Variants in PLCH2 observed in about 807,000 individuals in gnomAD.
PLCH2 encodes the protein 1-phosphatidylinositol 4,5-bisphosphate phosphodiesterase eta-2.
In PLCH2, 98 loss-of-function variants were observed where a neutral mutation model predicts 134.7. The observed-to-expected ratio is 0.73, with a 90% CI of 0.62 to 0.86. The LOEUF (loss-of-function observed/expected upper bound fraction) is 0.86, where lower values mean the gene tolerates loss of function less well. PLCH2 is among the 40% of genes least tolerant of loss of function. The probability of loss-of-function intolerance (pLI) is 0.00; values close to 1 mark genes in which losing one functional copy is unlikely to be tolerated. For synonymous variants in PLCH2, 974 were observed against 827.5 expected, an observed-to-expected ratio of 1.18 and a Z score of -3.04; for missense variants, 1,994 against 1,986.6, an observed-to-expected ratio of 1.00 and a Z score of -0.07.
upstream of PLCH2, among the ~76,000 whole-genome samples, chr1:2,472,666 C>T (rs1375204506): frequency 6.6e-6 from 1 of 152,164 alleles, no homozygotes; most frequent in Non-Finnish European, 1.5e-5. Context: ...GTGGGGGCTT[C>T]AGAGGGAGAC....
At chr1:2,434,202 GGGGCCGGCGGGGGCCGCGCCT>G (rs1442581498) in intron 2 of PLCH2, among the ~76,000 whole-genome samples, 1 of 152,264 alleles carries the variant, frequency 6.6e-6, no homozygotes, top group Non-Finnish European at 1.5e-5. Context: ...GGGTGTGCCA[GGGGCCGGCGGGGGCCGCGCCT>G]GGGCAGGGGG....
At chr1:2,487,109 C>T in intron 6 of PLCH2, 64 bp from the exon 7 acceptor site, 2 of 1,501,290 alleles carry the variant, frequency 1.3e-6, no homozygotes, top group Non-Finnish European at 9.0e-7. Context: ...GGCATGGGGG[C>T]AGGTGGTCAT....
chr1:2,483,808 TG>T (rs1208429697), intron 4 of PLCH2, among the ~76,000 whole-genome samples: 2 of 116,760 alleles, frequency 1.7e-5, no homozygotes, highest in Admixed American at 8.3e-5. Flanking sequence ...GACCCCCGTG[TG>T]GGGGTGGCGC....
intron 2 of PLCH2, among the ~76,000 whole-genome samples, chr1:2,440,936 G>T (rs1459758519): frequency 1.3e-5 from 2 of 152,194 alleles, no homozygotes; most frequent in Admixed American, 1.3e-4. Context: ...CTCATCTGAG[G>T]CCACTGAGCT....
At chr1:2,489,984 G>A in intron 10 of PLCH2, 117 bp downstream of exon 10, 1 of 786,300 alleles carries the variant, frequency 1.3e-6, no homozygotes, top group South Asian at 1.6e-5. Context: ...GAGGGACATT[G>A]GGGCAGATTC....
At chr1:2,502,029 G>C (rs896626450) in intron 20 of PLCH2, 83 bp from the exon 21 acceptor site, 1 of 1,260,826 alleles carries the variant, frequency 7.9e-7, no homozygotes. Context: ...TCTGTGGCAC[G>C]GTCTGGAGAG....
rs770274665 is a variant in PLCH2 at position 2,494,943 on chromosome 1, C to G, written c.1747C>G (p.Arg583Gly). 6.3e-7 allele frequency: 1 copy of G among 1,588,714 alleles called. No individual in the cohort carries two copies. Among genetic ancestry groups the G allele is most frequent in the Non-Finnish European group, 8.5e-7 (1 of 1,170,254 alleles). Residue 583 changes from arginine to glycine, a missense_variant, in exon 12 of 22, where the codon CGC becomes GGC. By Grantham distance (125) the Arg-to-Gly change is moderately radical. This residue lies in a region of PLCH2 where 1,094 missense variants were observed against 1,234.3 expected (regional missense o/e 0.89). Transcript: ENST00000378486. ...GRLVVGSFSR[R>G]KKKGSKLKKA... The stretch of plus-strand genomic sequence containing the variant: ...CCTCGTCGTGGGAAGCTTCTCCAGG[C>G]GCAAGGTCCGGCGCAGCTCCCAGGC...
intron 2 of PLCH2, among the ~76,000 whole-genome samples, chr1:2,443,585 C>T (rs1485351164): frequency 6.7e-6 from 1 of 148,660 alleles, no homozygotes; most frequent in African/African-American, 2.4e-5. Flanking sequence ...GGGCGCAGGG[C>T]GGGCCGGCTA....
At chr1:2,430,082 A>G (rs1638994808) in intron 1 of PLCH2, among the ~76,000 whole-genome samples, 1 of 152,120 alleles carries the variant, frequency 6.6e-6, no homozygotes, top group African/African-American at 2.4e-5. Context: ...ACTGCCCCAG[A>G]GACTTGGGGT....
chr1:2,424,973 A>C (rs1170937666), upstream of PLCH2, among the ~76,000 whole-genome samples: 1 of 151,966 alleles, frequency 6.6e-6, no homozygotes, highest in Non-Finnish European at 1.5e-5. Context: ...GCAACAGAGC[A>C]AGACTCCGTC....
At chr1:2,492,898 G>C (rs1441625953) in intron 11 of PLCH2, among the ~76,000 whole-genome samples, 2 of 152,158 alleles carry the variant, frequency 1.3e-5, no homozygotes, top group East Asian at 3.9e-4. Flanking sequence ...ATCTTGGGGA[G>C]AGAAGCCGGT....
Position 2,480,321 on chromosome 1 carries a change from G to C in PLCH2, c.645+9G>C. ...TGAAGCAGATGTTCAGGGTGAGCTG[G>C]GGGGAGCCCTACCTGGGCTCCAGAG... On this transcript the variant is annotated intron_variant, in intron 4 of 21. Coordinates refer to ENST00000378486, the MANE Select transcript of PLCH2 (RefSeq NM_014638.4). 2 of 1,610,336 alleles carry C rather than the reference G, an allele frequency of 1.2e-6. No homozygotes were observed. Among genetic ancestry groups the C allele is most frequent in the Non-Finnish European group, 1.7e-6 (2 of 1,178,226 alleles).
At chr1:2,476,013 C>T (rs777032299), upstream of PLCH2, among the ~76,000 whole-genome samples, 6 of 152,222 alleles carry the variant, frequency 3.9e-5, no homozygotes, top group Non-Finnish European at 8.8e-5. Context: ...GGTGGGCGCA[C>T]AGCGGGGAGG....
intron 4 of PLCH2, among the ~76,000 whole-genome samples, chr1:2,481,678 T>C (rs1283478490): frequency 6.6e-6 from 1 of 152,186 alleles, no homozygotes; most frequent in African/African-American, 2.4e-5. Flanking sequence ...TGGAGAGGAA[T>C]GGCGAGGTAG....
In PLCH2 at chr1:2,486,939, C is replaced by T. The variant is rs949716289; in HGVS notation, c.849C>T (p.Asp283=). The part of the protein sequence containing the change: ...MAGVTLESCQ[D]IIEQFEPCPE... ...GTGTGACCCTCGAGAGCTGCCAGGA[C>T]ATCATCGAGCAGTTTGAGCCATGCC... The change falls in exon 6 of 22, where the codon GAC becomes GAT. Residue 283 remains aspartate, a synonymous_variant. Transcript: ENST00000378486. 7 of 1,608,502 alleles carry T rather than the reference C, an allele frequency of 4.4e-6. No individual in the cohort carries two copies. The African/African-American group carries it at 8.0e-5, about 18-fold the overall frequency.
intron 2 of PLCH2, among the ~76,000 whole-genome samples, chr1:2,445,645 G>A (rs1246462756): frequency 6.6e-6 from 1 of 152,118 alleles, no homozygotes; most frequent in East Asian, 1.9e-4. Context: ...GCCCAGAGGG[G>A]GGAGGCAGAG....
Position 2,476,398 on chromosome 1 carries a change from G to A in PLCH2, c.-191G>A. On this transcript the variant is annotated 5_prime_UTR_variant, in exon 1 of 22. Transcript: ENST00000378486. The stretch of plus-strand genomic sequence containing the variant: ...CATCAGGACAGCAGGTGACGGTCAG[G>A]CCAATGCCAGCCGGGCCTGGGCACA... 1.8e-6 allele frequency: 1 copy of A among 551,084 alleles called. No homozygotes were observed. The highest frequency in any genetic ancestry group is 3.2e-5 in the East Asian group (1 of 31,572). The allele number at this position is 551,084 out of a possible 1,614,324, so 34.1% of individuals were successfully genotyped here. A position where few individuals can be genotyped will look rare whatever the true frequency, so the allele number is the denominator to read the frequency against.
chr1:2,424,976 A>C (rs1638708462), upstream of PLCH2, among the ~76,000 whole-genome samples: 1 of 151,868 alleles, frequency 6.6e-6, no homozygotes, highest in African/African-American at 2.4e-5. Flanking sequence ...ACAGAGCAAG[A>C]CTCCGTCTCA....
intron 1 of PLCH2, among the ~76,000 whole-genome samples, chr1:2,470,588 G>A (rs1231132219): frequency 6.6e-6 from 1 of 152,172 alleles, no homozygotes; most frequent in African/African-American, 2.4e-5. Context: ...GGCGGGCTCA[G>A]CCTCCTGTTT....
Sources: allele counts gnomAD v4.1 joint callset (sites outside exome capture counted in the v4.1 genomes callset), GRCh38; gene constraint gnomAD v4.1.1; regional missense constraint gnomAD v4.1.1; transcripts MANE v1.5; gene names NCBI Gene and HGNC (gene_info 2026-07-23, HGNC 2026-07-21).